The following SYTL2 variants were observed in gnomAD, a reference collection of about 807,000 sequenced individuals.
The protein encoded by SYTL2 is synaptotagmin-like protein 2.
A neutral mutation model predicts 198.7 loss-of-function variants in SYTL2; 165 were observed. The ratio of observed to expected loss-of-function variants is 0.83; its 90% CI spans 0.73 to 0.94. SYTL2 has a LOEUF of 0.94. Ranked by LOEUF, SYTL2 falls within the 40% of genes least tolerant of loss-of-function variation. The pLI, the probability that SYTL2 is intolerant of heterozygous loss-of-function variation, is 0.00. For synonymous variants in SYTL2, 966 were observed against 917.7 expected, an observed-to-expected ratio of 1.05 and a Z score of -0.95; for missense variants, 2,835 against 2,582.8, an observed-to-expected ratio of 1.10 and a Z score of -2.12.
intron 1 of SYTL2, among the ~76,000 whole-genome samples, chr11:85,761,842 A>G (rs1466495197): frequency 9.9e-5 from 15 of 152,180 alleles, no homozygotes; most frequent in Admixed American, 9.8e-4. Flanking sequence ...TATTTTTGGT[A>G]GAGTTGCAGC....
chr11:85,746,074 G>T (rs1421202585), intron 3 of SYTL2, among the ~76,000 whole-genome samples: 1 of 152,200 alleles, frequency 6.6e-6, no homozygotes, highest in South Asian at 2.1e-4. Flanking sequence ...TCTGAACTGA[G>T]TTGGGGTCAG....
chr11:85,825,790 T>C, the SYTL2 span, among the ~76,000 whole-genome samples: 1 of 152,234 alleles, frequency 6.6e-6, no homozygotes, highest in Non-Finnish European at 1.5e-5. Flanking sequence ...TTCCCGTTAG[T>C]GTAATCTTTC....
chr11:85,829,480 C>A, the SYTL2 span, among the ~76,000 whole-genome samples: 2 of 152,122 alleles, frequency 1.3e-5, no homozygotes, highest in Middle Eastern at 3.2e-3. Flanking sequence ...GATTCCATGT[C>A]TTTGCTATTG....
chr11:85,705,694 C>A (rs1044328982), intron 15 of SYTL2, among the ~76,000 whole-genome samples: 4 of 152,184 alleles, frequency 2.6e-5, no homozygotes, highest in Non-Finnish European at 5.9e-5. Flanking sequence ...TACTTCTAAT[C>A]TAAAAATAAT....
intron 1 of SYTL2, among the ~76,000 whole-genome samples, chr11:85,805,914 G>T (rs1316232139): frequency 1.3e-5 from 2 of 152,166 alleles, no homozygotes; most frequent in Non-Finnish European, 2.9e-5. Context: ...AAACTGTTTA[G>T]AAAGTATAAG....
chr11:85,696,055 T>C, intron 19 of SYTL2, 128 bp downstream of exon 19: 1 of 711,138 alleles, frequency 1.4e-6, no homozygotes, highest in Non-Finnish European at 2.4e-6. Flanking sequence ...TTTATTTCAC[T>C]ATACTTAAGA....
intron 19 of SYTL2, among the ~76,000 whole-genome samples, chr11:85,695,894 C>A (rs2083339707): frequency 6.6e-6 from 1 of 152,154 alleles, no homozygotes; most frequent in Non-Finnish European, 1.5e-5. Flanking sequence ...CCTTGAAGGA[C>A]CATAAATGTT....
At chr11:85,723,033 T>C (rs972141238) in intron 8 of SYTL2, among the ~76,000 whole-genome samples, 1 of 152,228 alleles carries the variant, frequency 6.6e-6, no homozygotes, top group Non-Finnish European at 1.5e-5. Flanking sequence ...CAGCATCAGT[T>C]GTGCAACTTT....
Position 85,711,849 on chromosome 11 carries a change from T to C in SYTL2, c.5626-617A>G, listed in dbSNP as rs184224834. On this transcript the variant is annotated intron_variant, in intron 12 of 19. Coordinates refer to ENST00000359152, the MANE Select transcript of SYTL2 (RefSeq NM_206927.4). Reference sequence around the variant, plus strand: ...ATCTTTTTGTTCCTAGAGTTAAGTATATTAAATTATACATTCTACCCACAT... The same window carrying C: ...ATCTTTTTGTTCCTAGAGTTAAGTACATTAAATTATACATTCTACCCACAT... Among the ~76,000 whole-genome samples the C allele has an allele frequency of 1.0e-3, 153 of 152,312 alleles. 1 individual carries two copies. Among genetic ancestry groups the C allele is most frequent in the African/African-American group, 3.5e-3 (146 of 41,580 alleles).
chr11:85,793,757 T>C (rs1445318877), intron 1 of SYTL2, among the ~76,000 whole-genome samples: 1 of 152,228 alleles, frequency 6.6e-6, no homozygotes, highest in Non-Finnish European at 1.5e-5. Flanking sequence ...CATTATTTAG[T>C]TCTGCACAAA....
intron 17 of SYTL2, 120 bp downstream of exon 17, chr11:85,700,395 C>T: frequency 1.4e-6 from 1 of 693,546 alleles, no homozygotes; most frequent in South Asian, 1.8e-5. Context: ...CTCATTTGGT[C>T]TATACGTTAC....
At chr11:85,762,365 A>C (rs569177396) in intron 1 of SYTL2, among the ~76,000 whole-genome samples, 1 of 152,326 alleles carries the variant, frequency 6.6e-6, no homozygotes, top group South Asian at 2.1e-4. Context: ...TGATGTGTTC[A>C]CAGGAGGAAC....
At chr11:85,710,991 T>G in intron 13 of SYTL2, 122 bp downstream of exon 13, 3 of 1,067,198 alleles carry the variant, frequency 2.8e-6, no homozygotes, top group Non-Finnish European at 4.0e-6. Context: ...TAATTATGGA[T>G]TAGAGAAACT....
At chr11:85,703,898 A>G (rs1022194674) in intron 16 of SYTL2, among the ~76,000 whole-genome samples, 26 of 152,138 alleles carry the variant, frequency 1.7e-4, no homozygotes, top group Non-Finnish European at 5.9e-5. Flanking sequence ...TCAAGGGTGC[A>G]TATTATAATC....
the SYTL2 span, among the ~76,000 whole-genome samples, chr11:85,850,901 T>A: frequency 2.7e-5 from 4 of 148,554 alleles, no homozygotes; most frequent in Non-Finnish European, 6.0e-5. Context: ...TTGGAAATCA[T>A]CATTCTCAGT....
Position 85,745,794 on chromosome 11 carries a change from A to G in SYTL2, c.254-22T>C, listed in dbSNP as rs559761222. ...TCAGCTGAAACAGGAAACAGTAAAG[A>G]CAGGAAGGTTATCTCTCACCTCCAT... On this transcript the variant is annotated intron_variant, in intron 3 of 19. Coordinates refer to ENST00000359152, the MANE Select transcript of SYTL2 (RefSeq NM_206927.4). 56 of 1,598,382 alleles carry G rather than the reference A, an allele frequency of 3.5e-5. 1 individual carries two copies. In the South Asian group the frequency reaches 5.8e-4, roughly 16 times the overall value.
At chr11:85,758,737 T>A (rs2091990447) in intron 1 of SYTL2, among the ~76,000 whole-genome samples, 1 of 152,156 alleles carries the variant, frequency 6.6e-6, no homozygotes, top group South Asian at 2.1e-4. Context: ...GAGGCAGAGT[T>A]TCAAAACACC....
chr11:85,849,229 A>G, the SYTL2 span, among the ~76,000 whole-genome samples: 1 of 152,106 alleles, frequency 6.6e-6, no homozygotes, highest in Non-Finnish European at 1.5e-5. Flanking sequence ...ATTTTCTCCC[A>G]TTTTGGAGGC....
At chr11:85,698,804 G>A (rs1198697893) in intron 17 of SYTL2, among the ~76,000 whole-genome samples, 1 of 152,220 alleles carries the variant, frequency 6.6e-6, no homozygotes, top group Non-Finnish European at 1.5e-5. Flanking sequence ...CTCCTAAAGT[G>A]TTGGGATTAC....
Sources: gnomAD v4.1 joint callset for allele counts (sites outside exome capture counted in the v4.1 genomes callset) on GRCh38, gnomAD v4.1.1 for gene constraint, MANE v1.5 for transcripts, NCBI Gene and HGNC (gene_info 2026-07-23, HGNC 2026-07-21) for gene names.